RANBP2: variants seen among roughly 807,000 people sequenced by gnomAD.
RANBP2 encodes E3 SUMO-protein ligase RanBP2.
In RANBP2, 57 loss-of-function variants were observed where a neutral mutation model predicts 303.6. The ratio of observed to expected loss-of-function variants is 0.19; its 90% CI spans 0.15 to 0.23. The LOEUF (loss-of-function observed/expected upper bound fraction) is 0.23. RANBP2 is among the 10% of genes least tolerant of loss of function. The pLI is 1.00. For missense variants in RANBP2, 3,138 were observed against 3,780.8 expected, an observed-to-expected ratio of 0.83 and a Z score of 4.46; for synonymous variants, 1,167 against 1,301.5, an observed-to-expected ratio of 0.90 and a Z score of 2.23.
At chr2:109,378,262 G>C in the RANBP2 span, among the ~76,000 whole-genome samples, 2 of 152,166 alleles carry the variant, frequency 1.3e-5, no homozygotes, top group Non-Finnish European at 2.9e-5. Context: ...TCACAGTCCT[G>C]GTCTCTGCCT....
chr2:108,857,012 TTTTTC>T, the RANBP2 span: 2 of 1,164,764 alleles, frequency 1.7e-6, no homozygotes, highest in Non-Finnish European at 2.5e-6. Context: ...AGCAGGATGA[TTTTTC>T]TGTCTTTATC....
the RANBP2 span, among the ~76,000 whole-genome samples, chr2:109,052,968 C>T: frequency 1.3e-5 from 2 of 152,208 alleles, no homozygotes; most frequent in South Asian, 2.1e-4. Context: ...TGTCAGAGCT[C>T]GCCTCAGATG....
chr2:109,176,829 C>T, the RANBP2 span, among the ~76,000 whole-genome samples: 6 of 152,238 alleles, frequency 3.9e-5, no homozygotes, highest in East Asian at 1.9e-4. Flanking sequence ...TTATGTGACA[C>T]GGCATTGTTG....
chr2:109,055,644 A>G, the RANBP2 span, among the ~76,000 whole-genome samples: 16 of 151,752 alleles, frequency 1.1e-4, no homozygotes, highest in Admixed American at 1.3e-4. Context: ...TCGACCTCCC[A>G]AAGTGCTGGG....
At chr2:109,557,951 G>A in the RANBP2 span, among the ~76,000 whole-genome samples, 5 of 150,780 alleles carry the variant, frequency 3.3e-5, no homozygotes, top group Admixed American at 1.3e-4. Context: ...TGCCACCACA[G>A]CTGGTTAATT....
chr2:109,172,970 T>C, the RANBP2 span, among the ~76,000 whole-genome samples: 8 of 152,248 alleles, frequency 5.3e-5, no homozygotes, highest in African/African-American at 9.6e-5. Context: ...CTGAGTGTCA[T>C]GTATGACCTT....
chr2:109,560,200 G>A, the RANBP2 span, among the ~76,000 whole-genome samples: 2 of 152,272 alleles, frequency 1.3e-5, no homozygotes, highest in Admixed American at 6.5e-5. Flanking sequence ...GATTACAGGC[G>A]TGAGCCACCG....
the RANBP2 span, chr2:109,565,829 T>C: frequency 4.3e-6 from 7 of 1,614,092 alleles, 1 homozygote; most frequent in South Asian, 2.2e-5. Flanking sequence ...ACCTCATCCA[T>C]ACTTCCCACA....
At chr2:108,930,334 G>GCAAGA in the RANBP2 span, 1 of 1,514,266 alleles carries the variant, frequency 6.6e-7, no homozygotes, top group Non-Finnish European at 9.1e-7. Flanking sequence ...GGAAGGGGGT[G>GCAAGA]CCCTGCGGTG....
chr2:109,089,928 T>G, the RANBP2 span, among the ~76,000 whole-genome samples: 1 of 152,184 alleles, frequency 6.6e-6, no homozygotes, highest in Non-Finnish European at 1.5e-5. Flanking sequence ...CAATTCATGC[T>G]CTGCTGCTAG....
rs750990453 is a variant in RANBP2, at chr2:108,766,182, A to G, written c.5643A>G (p.Glu1881=). ...TGTTTCAGGGTTCTTCTAATACAGA[A>G]TTTAAGTCAACCAAAGAAGGATTTT... is the stretch of plus-strand genomic sequence containing the variant. ...SFMFQGSSNT[E]FKSTKEGFSI... Residue 1881 remains glutamate (E), a synonymous_variant, in exon 20 of 29, where the codon GAA becomes GAG. Transcript: ENST00000283195. 6.2e-6 allele frequency: 10 copies of G among 1,612,206 alleles called. No individual in the cohort carries two copies. Among genetic ancestry groups the G allele is most frequent in the Non-Finnish European group, 8.5e-6 (10 of 1,179,986 alleles).
the RANBP2 span, among the ~76,000 whole-genome samples, chr2:109,671,765 C>G: frequency 1.3e-5 from 2 of 151,618 alleles, no homozygotes; most frequent in Non-Finnish European, 2.9e-5. Flanking sequence ...GTAGCATTAT[C>G]TCACTCTTAA....
At chr2:109,259,764 T>C in the RANBP2 span, among the ~76,000 whole-genome samples, 1 of 152,184 alleles carries the variant, frequency 6.6e-6, no homozygotes, top group African/African-American at 2.4e-5. Context: ...CGTAGGTGCA[T>C]GTGGAGGGAG....
At chr2:109,346,686 C>T in the RANBP2 span, among the ~76,000 whole-genome samples, 4 of 152,120 alleles carry the variant, frequency 2.6e-5, no homozygotes, top group East Asian at 3.9e-4. Context: ...CATCAGTTTC[C>T]GGATTCTTTG....
chr2:108,817,516 C>G, the RANBP2 span, among the ~76,000 whole-genome samples: 1 of 152,084 alleles, frequency 6.6e-6, no homozygotes, highest in Non-Finnish European at 1.5e-5. Context: ...TAGTCTTGAT[C>G]TCTCGACCTC....
At chr2:108,887,530 T>C in the RANBP2 span, among the ~76,000 whole-genome samples, 368 of 152,316 alleles carry the variant, frequency 2.4e-3, 1 homozygote, top group Non-Finnish European at 4.1e-3. Flanking sequence ...CCATTTTATT[T>C]GTGTCCTCTT....
At chr2:109,611,033 C>CATG in the RANBP2 span, among the ~76,000 whole-genome samples, 1 of 152,174 alleles carries the variant, frequency 6.6e-6, no homozygotes, top group Non-Finnish European at 1.5e-5. Flanking sequence ...AACAGACCCA[C>CATG]ACAAATATGC....
At chr2:108,883,045 C>T in the RANBP2 span, 1 of 152,164 alleles carries the variant, frequency 6.6e-6, no homozygotes, top group African/African-American at 2.4e-5. Context: ...ACACTGAATT[C>T]AGCAGTGTTC....
At chr2:108,890,679 C>G in the RANBP2 span, among the ~76,000 whole-genome samples, 4 of 152,190 alleles carry the variant, frequency 2.6e-5, no homozygotes, top group African/African-American at 9.6e-5. Context: ...TCCTGGAGAT[C>G]ACTGAGTCTC....
Sources: allele counts gnomAD v4.1 joint callset (sites outside exome capture counted in the v4.1 genomes callset), GRCh38; gene constraint gnomAD v4.1.1; transcripts MANE v1.5; gene names NCBI Gene and HGNC (gene_info 2026-07-23, HGNC 2026-07-21).